Variants in ZDHHC3 observed in about 807,000 individuals in gnomAD.
ZDHHC3 encodes zDHHC palmitoyltransferase 3, also known as palmitoyltransferase ZDHHC3.
A neutral mutation model predicts 30.6 loss-of-function variants in ZDHHC3; 9 were observed. The ratio of observed to expected loss-of-function variants is 0.29; its 90% CI spans 0.18 to 0.51. ZDHHC3 has a LOEUF of 0.51. Ranked by LOEUF, ZDHHC3 falls within the 20% of genes least tolerant of loss-of-function variation. The probability of loss-of-function intolerance (pLI) is 0.97; values close to 1 mark genes in which losing one functional copy is unlikely to be tolerated. For missense variants in ZDHHC3, 246 were observed against 384.2 expected (o/e 0.64, Z 3.01); for synonymous variants, 136 against 140.2 (o/e 0.97, Z 0.21).
Position 44,916,383 on chromosome 3 carries a change from A to G in ZDHHC3, c.*10306T>C, listed in dbSNP as rs529724834. 2 of 152,114 alleles carry G rather than the reference A, an allele frequency of 1.3e-5. No individual in the cohort carries two copies. The highest frequency in any genetic ancestry group is 2.9e-5 in the Non-Finnish European group (2 of 68,062). 9.4% of individuals were successfully genotyped at this position (152,114 alleles called of 1,614,324 possible). A position where few individuals can be genotyped will look rare whatever the true frequency, so the allele number is the denominator to read the frequency against. ...ATGCTGCTTGGCTCTTTTCTTTCTC[A>G]CGGTCGCCAGTTTCCTTTCTCAGCA... On this transcript the variant is annotated 3_prime_UTR_variant, in exon 7 of 7. Coordinates refer to ENST00000424952, the MANE Select transcript of ZDHHC3 (RefSeq NM_001135179.2).
chr3:44,919,774 C>G lies in ZDHHC3; in HGVS notation c.*6915G>C. ...TATAAAATGTTTACCTTTGGTGAGA[C>G]TGACTGAAAGGTACATGGGAACTCT... On this transcript the variant is annotated 3_prime_UTR_variant, in exon 7 of 7. Coordinates refer to ENST00000424952, the MANE Select transcript of ZDHHC3 (RefSeq NM_001135179.2). 2 of 655,142 alleles carry G rather than the reference C, an allele frequency of 3.1e-6. No individual in the cohort carries two copies. Among genetic ancestry groups the G allele is most frequent in the Non-Finnish European group, 3.8e-6 (2 of 528,548 alleles). 40.6% of individuals were successfully genotyped at this position (655,142 alleles called of 1,614,324 possible). A position where few individuals can be genotyped will look rare whatever the true frequency, so the allele number is the denominator to read the frequency against.
chr3:44,947,402 G>A (rs888453321), intron 2 of ZDHHC3, among the ~76,000 whole-genome samples: 7 of 152,178 alleles, frequency 4.6e-5, no homozygotes, highest in East Asian at 1.9e-4. Context: ...TTAAATCTGA[G>A]CTCTACATTT....
Position 44,959,546 on chromosome 3 carries a change from G to A in ZDHHC3, c.-24-86C>T. 1 of 1,207,566 alleles carries A rather than the reference G, an allele frequency of 8.3e-7. No individual in the cohort carries two copies. The highest frequency in any genetic ancestry group is 1.2e-6 in the Non-Finnish European group (1 of 860,314). The allele number at this position is 1,207,566 out of a possible 1,614,324, so 74.8% of individuals were successfully genotyped here. A position where few individuals can be genotyped will look rare whatever the true frequency, so the allele number is the denominator to read the frequency against. ...CAAAATTGCTCCCATAGTGAGTTGT[G>A]ATTACTTATCTGCAACCCCTGTGTG... is the stretch of plus-strand genomic sequence containing the variant. On this transcript the variant is annotated intron_variant, in intron 1 of 6. Transcript: ENST00000424952. This position sits in a 1 kb window ranked among gnomAD's most constrained non-coding sequence, Gnocchi z 4.3.
intron 5 of ZDHHC3, 32 bp from the exon 6 acceptor site, chr3:44,929,468 C>G: frequency 6.2e-7 from 1 of 1,610,568 alleles, no homozygotes; most frequent in South Asian, 1.1e-5. Context: ...GGGATTGGTA[C>G]TGTCACCCAC....
At chr3:44,955,773 T>C (rs1388418408) in intron 2 of ZDHHC3, among the ~76,000 whole-genome samples, 1 of 152,162 alleles carries the variant, frequency 6.6e-6, no homozygotes, top group African/African-American at 2.4e-5. Flanking sequence ...GAGCTCCCGC[T>C]TCTGCAGCCC....
chr3:44,973,525 C>T (rs2125941992), intron 1 of ZDHHC3, among the ~76,000 whole-genome samples: 1 of 152,142 alleles, frequency 6.6e-6, no homozygotes, highest in East Asian at 1.9e-4. Flanking sequence ...ATGGCGTGAT[C>T]TCAGCTCACT....
intron 3 of ZDHHC3, among the ~76,000 whole-genome samples, chr3:44,936,395 C>T (rs1701961964): frequency 6.6e-6 from 1 of 152,204 alleles, no homozygotes; most frequent in Non-Finnish European, 1.5e-5. Context: ...GGAACACTTA[C>T]ACACTGTCGT....
chr3:44,976,053 C>T lies in ZDHHC3; in HGVS notation c.-145G>A. 2.4e-6 allele frequency: 1 copy of T among 408,720 alleles called. No homozygotes were observed. Among genetic ancestry groups the T allele is most frequent in the Non-Finnish European group, 4.3e-6 (1 of 232,642 alleles). 25.3% of individuals were successfully genotyped at this position (408,720 alleles called of 1,614,324 possible). A position where few individuals can be genotyped will look rare whatever the true frequency, so the allele number is the denominator to read the frequency against. Reference sequence around the variant, plus strand: ...GCCTCGGGCTTCGGCGATGGCTCCTCGGAACGAGGCGCCGCGGCTCTCTGG... The same window carrying T: ...GCCTCGGGCTTCGGCGATGGCTCCTTGGAACGAGGCGCCGCGGCTCTCTGG... On this transcript the variant is annotated 5_prime_UTR_variant, in exon 1 of 7. Transcript: ENST00000424952.
chr3:44,962,541 A>AAGGAAGGAAGGAAGGG (rs1204285443), intron 1 of ZDHHC3, among the ~76,000 whole-genome samples: 1 of 142,556 alleles, frequency 7.0e-6, no homozygotes, highest in Non-Finnish European at 1.5e-5. Flanking sequence ...GGAAGGAAGG[A>AAGGAAGGAAGGAAGGG]AGGGGAGGGG....
intron 3 of ZDHHC3, among the ~76,000 whole-genome samples, chr3:44,937,017 A>T (rs1342183629): frequency 1.3e-5 from 2 of 151,634 alleles, no homozygotes; most frequent in Non-Finnish European, 2.9e-5. Context: ...CTCATTGACA[A>T]TTTTTTTTCA....
chr3:44,951,807 A>G (rs186745429), intron 2 of ZDHHC3, among the ~76,000 whole-genome samples: 3 of 152,274 alleles, frequency 2.0e-5, no homozygotes, highest in Admixed American at 6.5e-5. Context: ...ACTGTGGCCA[A>G]ATCCAAAAGT....
At chr3:44,946,064 G>T (rs1450823025) in intron 2 of ZDHHC3, among the ~76,000 whole-genome samples, 1 of 152,174 alleles carries the variant, frequency 6.6e-6, no homozygotes, top group Non-Finnish European at 1.5e-5. Context: ...ATGTCTAACA[G>T]TTTCCCCAGA....
chr3:44,966,081 C>CAATG (rs1704928420), intron 1 of ZDHHC3, among the ~76,000 whole-genome samples: 1 of 152,134 alleles, frequency 6.6e-6, no homozygotes, highest in South Asian at 2.1e-4. Flanking sequence ...AAATCAGGTG[C>CAATG]AATGATCTCC....
Position 44,918,595 on chromosome 3 carries a change from A to C in ZDHHC3, c.*8094T>G, listed in dbSNP as rs1420156087. 1 of 985,462 alleles carries C rather than the reference A, an allele frequency of 1.0e-6. No individual in the cohort carries two copies. The allele number at this position is 985,462 out of a possible 1,614,324, so 61.0% of individuals were successfully genotyped here. On this transcript the variant is annotated 3_prime_UTR_variant, in exon 7 of 7. Transcript: ENST00000424952. ...GGTAGATAGGGGCTGCAAACACAGC[A>C]GAAGGACGATGGGGTTAAGGAAGGA...
intron 2 of ZDHHC3, among the ~76,000 whole-genome samples, chr3:44,956,958 C>A (rs1704007089): frequency 6.6e-6 from 1 of 152,200 alleles, no homozygotes; most frequent in Admixed American, 6.5e-5. Context: ...CCCCCACCTA[C>A]CATGTTTTGA....
chr3:44,944,287 C>T (rs1326900732), intron 3 of ZDHHC3, among the ~76,000 whole-genome samples: 1 of 152,130 alleles, frequency 6.6e-6, no homozygotes, highest in Admixed American at 6.5e-5. Context: ...GCTGGGATTA[C>T]AGGCATGTGC....
Position 44,920,340 on chromosome 3 carries a change from G to T in ZDHHC3, c.*6349C>A. 7.8e-7 allele frequency: 1 copy of T among 1,289,714 alleles called. No individual in the cohort carries two copies. The highest frequency in any genetic ancestry group is 1.0e-6 in the Non-Finnish European group (1 of 988,770). 79.9% of individuals were successfully genotyped at this position (1,289,714 alleles called of 1,614,324 possible). A position where few individuals can be genotyped will look rare whatever the true frequency, so the allele number is the denominator to read the frequency against. On this transcript the variant is annotated 3_prime_UTR_variant, in exon 7 of 7. Transcript: ENST00000424952. Reference sequence around the variant, plus strand: ...CTTCCTGGGTGATCATCTGCAGCCTGTTGAGAAAGAGGCTTTAACTTCATA... The same window carrying T: ...CTTCCTGGGTGATCATCTGCAGCCTTTTGAGAAAGAGGCTTTAACTTCATA...
chr3:44,933,021 C>A, intron 5 of ZDHHC3, 97 bp downstream of exon 5: 1 of 1,613,594 alleles, frequency 6.2e-7, no homozygotes, highest in Non-Finnish European at 8.5e-7. Flanking sequence ...ATGAGGTTGG[C>A]CCCTGGCACC....
At position 44,926,537 on chromosome 3, in the gene ZDHHC3, T is replaced by C. The variant is rs527520231; in HGVS notation, c.*152A>G. On this transcript the variant is annotated 3_prime_UTR_variant, in exon 7 of 7. Coordinates refer to ENST00000424952, the MANE Select transcript of ZDHHC3 (RefSeq NM_001135179.2). ...AATAAAATGTGGGGACTTTTTTTTTTCTCTGCAATGCTCAGCCATTTTACT... is the reference window on the plus strand; with the variant it reads ...AATAAAATGTGGGGACTTTTTTTTTCCTCTGCAATGCTCAGCCATTTTACT... The C allele has an allele frequency of 8.0e-7, 1 of 1,257,636 alleles. No homozygotes were observed. Among genetic ancestry groups the C allele is most frequent in the East Asian group, 3.1e-5 (1 of 32,228 alleles). The allele number at this position is 1,257,636 out of a possible 1,614,324, so 77.9% of individuals were successfully genotyped here.
Sources: allele counts gnomAD v4.1 joint callset (sites outside exome capture counted in the v4.1 genomes callset), GRCh38; gene constraint gnomAD v4.1.1; non-coding constraint Gnocchi (gnomAD v3.1); transcripts MANE v1.5; gene names NCBI Gene and HGNC (gene_info 2026-07-23, HGNC 2026-07-21).